TTLL11: variants seen among roughly 807,000 people sequenced by gnomAD.
TTLL11 encodes the protein tubulin tyrosine ligase like 11.
In TTLL11, 42 loss-of-function variants were observed where a neutral mutation model predicts 51.7. The observed-to-expected ratio is 0.81, with a 90% CI of 0.64 to 1.05. The LOEUF is 1.05. Among genes scored for constraint, TTLL11 ranks in the 50% least tolerant of loss-of-function variants. The pLI is 0.00. For synonymous variants in TTLL11, 381 were observed against 383.5 expected, an observed-to-expected ratio of 0.99 and a Z score of 0.08; for missense variants, 799 against 940.4, an observed-to-expected ratio of 0.85 and a Z score of 1.97.
At position 122,046,614 on chromosome 9, in the gene TTLL11, T is replaced by A. The variant is rs559994537; in HGVS notation, c.463-7246A>T. On this transcript the variant is annotated intron_variant, in intron 1 of 8. Coordinates refer to ENST00000321582, the MANE Select transcript of TTLL11 (RefSeq NM_001139442.2). ...CCCATTCTCCATCTTTTTCCAGTCCTGACCATCCTCCCAGTTTCCCGAGTT... is the reference window on the plus strand; with the variant it reads ...CCCATTCTCCATCTTTTTCCAGTCCAGACCATCCTCCCAGTTTCCCGAGTT... 1.1e-4 allele frequency among the ~76,000 whole-genome samples: 16 copies of A among 152,318 alleles called. No individual in the cohort carries two copies. In the South Asian group the frequency reaches 2.9e-3, roughly 28 times the overall value.
intron 8 of TTLL11, among the ~76,000 whole-genome samples, chr9:121,834,914 G>GCTA (rs1837142197): frequency 6.6e-6 from 1 of 151,886 alleles, no homozygotes; most frequent in South Asian, 2.1e-4. Context: ...GGCCTGGAGC[G>GCTA]CTATCACAAT....
chr9:121,987,443 C>T (rs1003468955), intron 4 of TTLL11, among the ~76,000 whole-genome samples: 3 of 152,154 alleles, frequency 2.0e-5, no homozygotes, highest in Non-Finnish European at 2.9e-5. Flanking sequence ...CTGGACACCA[C>T]GTCTCCCCAC....
intron 6 of TTLL11, among the ~76,000 whole-genome samples, chr9:121,922,224 G>A (rs149637218): frequency 1.6e-4 from 25 of 152,160 alleles, no homozygotes; most frequent in East Asian, 1.9e-4. Context: ...TAAGAATGTC[G>A]CCCTTGTCTG....
At chr9:121,897,351 C>A (rs1257251896) in intron 6 of TTLL11, among the ~76,000 whole-genome samples, 1 of 152,154 alleles carries the variant, frequency 6.6e-6, no homozygotes, top group Non-Finnish European at 1.5e-5. Context: ...GAGGCTCAAA[C>A]CTGAGCAGCC....
At chr9:122,091,149 T>C (rs1247092421) in intron 1 of TTLL11, among the ~76,000 whole-genome samples, 1 of 152,320 alleles carries the variant, frequency 6.6e-6, no homozygotes, top group African/African-American at 2.4e-5. Flanking sequence ...AAACGAGATC[T>C]GGCCTGCTTT....
chr9:121,904,367 G>A (rs1396655914), intron 6 of TTLL11, among the ~76,000 whole-genome samples: 1 of 152,136 alleles, frequency 6.6e-6, no homozygotes, highest in African/African-American at 2.4e-5. Flanking sequence ...AGTAGAGACA[G>A]GGTTTCACCG....
intron 7 of TTLL11, among the ~76,000 whole-genome samples, chr9:121,868,517 C>T (rs1838247643): frequency 2.0e-5 from 3 of 152,140 alleles, no homozygotes; most frequent in South Asian, 4.2e-4. Context: ...CCTTCTTCCC[C>T]TTTCTGCCTG....
At chr9:121,823,815 C>T (rs1363336877) in intron 8 of TTLL11, among the ~76,000 whole-genome samples, 2 of 152,158 alleles carry the variant, frequency 1.3e-5, no homozygotes, top group African/African-American at 4.8e-5. Flanking sequence ...ATAGTCATCC[C>T]TACGACACCC....
intron 7 of TTLL11, among the ~76,000 whole-genome samples, chr9:121,870,066 T>C (rs1838304786): frequency 6.6e-6 from 1 of 152,224 alleles, no homozygotes; most frequent in African/African-American, 2.4e-5. Flanking sequence ...TCAGCTGAGT[T>C]ATTTAACTTT....
At chr9:122,058,750 G>A (rs1845362563) in intron 1 of TTLL11, among the ~76,000 whole-genome samples, 1 of 152,174 alleles carries the variant, frequency 6.6e-6, no homozygotes, top group African/African-American at 2.4e-5. Context: ...GCCAAATCCA[G>A]TGCTTTCACT....
chr9:122,044,258 T>C (rs559546535), intron 1 of TTLL11, among the ~76,000 whole-genome samples: 3,722 of 152,238 alleles, frequency 0.024, 135 homozygotes, highest in African/African-American at 0.086. Context: ...CAGTCTATCA[T>C]TGTTGGACAT....
At chr9:121,859,194 GA>G (rs5900500) in intron 8 of TTLL11, among the ~76,000 whole-genome samples, 110,177 of 151,916 alleles carry the variant, frequency 0.73, 40,190 homozygotes, top group Middle Eastern at 0.81. Context: ...AATTTTTTTA[GA>G]AAAACACCCT....
intron 8 of TTLL11, among the ~76,000 whole-genome samples, chr9:121,826,557 G>GTGTATATATATATATATATATGTGTA (rs1189626793): frequency 3.9e-5 from 2 of 51,340 alleles, no homozygotes; most frequent in African/African-American, 1.4e-4. Context: ...ATATGTGTGT[G>GTGTATATATATATATATATATGTGTA]TATATATATA....
chr9:121,843,297 C>T (rs767167479), intron 8 of TTLL11, among the ~76,000 whole-genome samples: 5 of 152,052 alleles, frequency 3.3e-5, no homozygotes, highest in African/African-American at 7.2e-5. Context: ...GACAAGCCAC[C>T]ACCCTAAAAA....
At chr9:121,907,232 C>G (rs994641016) in intron 6 of TTLL11, among the ~76,000 whole-genome samples, 8 of 152,024 alleles carry the variant, frequency 5.3e-5, no homozygotes, top group Non-Finnish European at 1.0e-4. Context: ...GGAGGATCAC[C>G]TGAGGTCAGG....
rs1837724494 is a variant in TTLL11 at position 121,853,448 on chromosome 9, G to A, written c.1840+6889C>T. On this transcript the variant is annotated intron_variant, in intron 8 of 8. Coordinates refer to ENST00000321582, the MANE Select transcript of TTLL11 (RefSeq NM_001139442.2). This position sits in a 1 kb window ranked among gnomAD's most constrained non-coding sequence, Gnocchi z 5.6. ...GACCTGGGGGGTGGTGGTGAGCAAGGAGAGGGGGTTCCTGCAGAGGTGGGG... is the reference window on the plus strand; with the variant it reads ...GACCTGGGGGGTGGTGGTGAGCAAGAAGAGGGGGTTCCTGCAGAGGTGGGG... 6.7e-6 allele frequency among the ~76,000 whole-genome samples: 1 copy of A among 149,584 alleles called. No homozygotes were observed. Among genetic ancestry groups the A allele is most frequent in the Non-Finnish European group, 1.5e-5 (1 of 67,328 alleles).
chr9:121,917,160 A>G (rs1840354423), intron 6 of TTLL11, among the ~76,000 whole-genome samples: 1 of 152,098 alleles, frequency 6.6e-6, no homozygotes, highest in Non-Finnish European at 1.5e-5. Context: ...TGTTATGTAT[A>G]TTTTACCATA....
intron 6 of TTLL11, among the ~76,000 whole-genome samples, chr9:121,909,639 G>A (rs1840046200): frequency 6.6e-6 from 1 of 152,134 alleles, no homozygotes; most frequent in Non-Finnish European, 1.5e-5. Flanking sequence ...ATTGTGTTGG[G>A]AACTAGAGAC....
At chr9:122,017,732 A>T (rs1844030028) in intron 3 of TTLL11, among the ~76,000 whole-genome samples, 2 of 152,168 alleles carry the variant, frequency 1.3e-5, no homozygotes. Context: ...AAGTGCTGGG[A>T]TTACAGGCGT....
Sources: gnomAD v4.1 joint callset for allele counts (sites outside exome capture counted in the v4.1 genomes callset) on GRCh38, gnomAD v4.1.1 for gene constraint, Gnocchi (gnomAD v3.1) non-coding constraint, MANE v1.5 for transcripts, NCBI Gene and HGNC (gene_info 2026-07-23, HGNC 2026-07-21) for gene names.